Variants in ATPSCKMT observed in about 807,000 individuals in gnomAD.
ATPSCKMT encodes ATP synthase c subunit lysine N-methyltransferase.
ATPSCKMT carries 24 observed loss-of-function variants against 24.3 expected under a neutral mutation model. That is an observed-to-expected ratio of 0.99 (90% CI 0.71 to 1.39). ATPSCKMT has a LOEUF of 1.39. ATPSCKMT is among the 40% of genes most tolerant of loss of function. The pLI is 0.00. For missense variants in ATPSCKMT, 311 were observed against 298.4 expected (o/e 1.04, Z -0.31); for synonymous variants, 95 against 110.5 (o/e 0.86, Z 0.88).
intron 2 of ATPSCKMT, among the ~76,000 whole-genome samples, chr5:10,237,315 C>A (rs1744420395): frequency 6.6e-6 from 1 of 152,212 alleles, no homozygotes; most frequent in Non-Finnish European, 1.5e-5. Flanking sequence ...AAAACATTTT[C>A]TCAGAAACCA....
intron 1 of ATPSCKMT, among the ~76,000 whole-genome samples, chr5:10,243,912 G>C (rs1744763426): frequency 6.6e-6 from 1 of 152,200 alleles, no homozygotes; most frequent in Non-Finnish European, 1.5e-5. Flanking sequence ...CTAACTGTTT[G>C]ATGCCAGAGG....
At chr5:10,238,846 A>C (rs1262806619) in intron 2 of ATPSCKMT, among the ~76,000 whole-genome samples, 1 of 152,204 alleles carries the variant, frequency 6.6e-6, no homozygotes, top group Non-Finnish European at 1.5e-5. Flanking sequence ...TTCACCTGGC[A>C]TGTTTACAGC....
intron 1 of ATPSCKMT, among the ~76,000 whole-genome samples, chr5:10,244,238 CAT>C (rs1248789145): frequency 1.2e-4 from 19 of 152,138 alleles, no homozygotes; most frequent in African/African-American, 3.6e-4. Context: ...AATCCCTGAT[CAT>C]AGATCACCAT....
At chr5:10,243,706 GAA>G in intron 1 of ATPSCKMT, among the ~76,000 whole-genome samples, 1 of 152,210 alleles carries the variant, frequency 6.6e-6, no homozygotes, top group Non-Finnish European at 1.5e-5. Flanking sequence ...TCAGAGAACT[GAA>G]AAGAGTTAGG....
intron 4 of ATPSCKMT, among the ~76,000 whole-genome samples, chr5:10,229,625 T>C (rs1744034272): frequency 6.6e-6 from 1 of 152,230 alleles, no homozygotes; most frequent in African/African-American, 2.4e-5. Flanking sequence ...CACGGATGAT[T>C]CTGGCCTGAA....
At chr5:10,241,069 G>A (rs1476151494) in intron 1 of ATPSCKMT, among the ~76,000 whole-genome samples, 5 of 151,590 alleles carry the variant, frequency 3.3e-5, no homozygotes, top group South Asian at 2.1e-4. Context: ...GAAATGAATT[G>A]GCAGGCCTGC....
In ATPSCKMT at chr5:10,235,189, G is replaced by C. The variant is rs1415557547; in HGVS notation, c.495+22C>G. The C allele has an allele frequency of 6.8e-6, 11 of 1,612,818 alleles. No individual in the cohort carries two copies. In the Admixed American group the frequency reaches 1.7e-4, roughly 24 times the overall value. ...TCAACATCATCTAACCCCAAACAGAGAGCAGGAAAGTGCATACTCACCATC... is the reference window on the plus strand; with the variant it reads ...TCAACATCATCTAACCCCAAACAGACAGCAGGAAAGTGCATACTCACCATC... On this transcript the variant is annotated intron_variant, in intron 4 of 4. Coordinates refer to ENST00000511437, the MANE Select transcript of ATPSCKMT (RefSeq NM_199133.4).
Position 10,236,602 on chromosome 5 carries a change from G to A in ATPSCKMT, c.320C>T (p.Ala107Val), listed in dbSNP as rs114646426. 1.5e-3 allele frequency: 2,459 copies of A among 1,614,044 alleles called. 4 individuals carry two copies. The highest frequency in any genetic ancestry group is 2.0e-3 in the Middle Eastern group (12 of 6,062). Reference sequence around the variant, plus strand: ...ACCAACTGCTGTGAACCCTTTCTTCGCAGCCGCTATGACCTGTGGAGAGAG... The same window carrying A: ...ACCAACTGCTGTGAACCCTTTCTTCACAGCCGCTATGACCTGTGGAGAGAG... ...SGDGRIVIAAAKKGFTAVGYE... is the reference protein window; with the variant it reads ...SGDGRIVIAAVKKGFTAVGYE... Residue 107 changes from alanine to valine, a missense_variant, in exon 3 of 5, where the codon GCG (alanine) becomes GTG (valine). Ala to Val is a moderately conservative substitution (Grantham distance 64). Transcript: ENST00000511437.
rs1464372134 is a variant in ATPSCKMT, at chr5:10,239,261, AC to A, written c.111del (p.Phe38SerfsTer17). The A allele has an allele frequency of 1.2e-6, 2 of 1,614,182 alleles. No individual in the cohort carries two copies. The highest frequency in any genetic ancestry group is 3.3e-5 in the Admixed American group (2 of 60,024). The stretch of plus-strand genomic sequence containing the variant: ...CCACCCACAAGCCCAGTAAGTAAGA[AC>A]CCCCAGTTGCTTTTCTGCAAACTGT... Reference protein sequence around the residue: ...EVNSLQKSNWGFLLTGLVGGT... With the variant: ...EVNSLQKSNWXFLLTGLVGGT... On this transcript the variant is annotated frameshift_variant, in exon 2 of 5. Transcript: ENST00000511437. LOFTEE classifies it high-confidence loss of function.
chr5:10,244,823 G>A (rs985546158), intron 1 of ATPSCKMT, among the ~76,000 whole-genome samples: 4 of 151,020 alleles, frequency 2.6e-5, no homozygotes, highest in Non-Finnish European at 4.4e-5. Flanking sequence ...CAGGAGGATC[G>A]CTTAGGCCCA....
intron 4 of ATPSCKMT, among the ~76,000 whole-genome samples, chr5:10,228,313 C>T (rs181203815): frequency 4.6e-5 from 7 of 152,266 alleles, no homozygotes; most frequent in Admixed American, 6.5e-5. Flanking sequence ...AAAAAATATG[C>T]ACAATTCTAC....
At chr5:10,249,641 T>C (rs984759466) in intron 1 of ATPSCKMT, 2 of 701,532 alleles carry the variant, frequency 2.9e-6, no homozygotes, top group Non-Finnish European at 2.2e-6. Flanking sequence ...GAACAGTCTC[T>C]GGGGAAACGC....
At position 10,227,223 on chromosome 5, in the gene ATPSCKMT, G is replaced by C; in HGVS notation, c.*218C>G. On this transcript the variant is annotated 3_prime_UTR_variant, in exon 5 of 5. Coordinates refer to ENST00000511437, the MANE Select transcript of ATPSCKMT (RefSeq NM_199133.4). ...ATCTTTTCATGCATCCAGGTGCATG[G>C]AAAGGCAGTAAGTACAATTTTTAAG... 3.6e-6 allele frequency: 2 copies of C among 551,736 alleles called. No homozygotes were observed. The highest frequency in any genetic ancestry group is 6.4e-6 in the Non-Finnish European group (2 of 311,430). The allele number at this position is 551,736 out of a possible 1,614,324, so 34.2% of individuals were successfully genotyped here.
chr5:10,249,834 C>T (rs761350309), intron 1 of ATPSCKMT, 24 bp downstream of exon 1: 2 of 1,542,264 alleles, frequency 1.3e-6, no homozygotes, highest in South Asian at 1.2e-5. Flanking sequence ...CCCCCAGGAA[C>T]CCGCCAAGCC....
At chr5:10,238,496 G>A (rs562994877) in intron 2 of ATPSCKMT, among the ~76,000 whole-genome samples, 1 of 152,216 alleles carries the variant, frequency 6.6e-6, no homozygotes, top group East Asian at 1.9e-4. Flanking sequence ...GCTAAGGATG[G>A]TGCCACCCTG....
At chr5:10,243,590 T>C (rs1579432443) in intron 1 of ATPSCKMT, among the ~76,000 whole-genome samples, 1 of 152,278 alleles carries the variant, frequency 6.6e-6, no homozygotes. Context: ...CTGCTTCACC[T>C]TGCATTTTCA....
intron 4 of ATPSCKMT, among the ~76,000 whole-genome samples, chr5:10,234,174 A>G (rs377674130): frequency 5.9e-5 from 9 of 152,266 alleles, no homozygotes; most frequent in South Asian, 2.1e-4. Context: ...CTAAAAATAT[A>G]AAAATTAGCT....
chr5:10,247,141 A>G (rs1744971393), intron 1 of ATPSCKMT, among the ~76,000 whole-genome samples: 1 of 152,216 alleles, frequency 6.6e-6, no homozygotes, highest in African/African-American at 2.4e-5. Flanking sequence ...GAAAGGCAAC[A>G]CAGGGGCAAT....
At chr5:10,249,604 G>T in intron 1 of ATPSCKMT, 2 of 485,200 alleles carry the variant, frequency 4.1e-6, no homozygotes, top group Non-Finnish European at 7.0e-6. Context: ...CGTGCCAAAG[G>T]CTGAGTCACT....
Sources: allele counts gnomAD v4.1 joint callset (sites outside exome capture counted in the v4.1 genomes callset), GRCh38; gene constraint gnomAD v4.1.1; transcripts MANE v1.5; gene names NCBI Gene and HGNC (gene_info 2026-07-23, HGNC 2026-07-21).